CERS2: variants seen among roughly 807,000 people sequenced by gnomAD.
CERS2 encodes ceramide synthase 2.
A neutral mutation model predicts 56.6 loss-of-function variants in CERS2; 20 were observed. That is an observed-to-expected ratio of 0.35 (90% CI 0.25 to 0.51). CERS2 has a LOEUF of 0.51. CERS2 is among the 20% of genes least tolerant of loss of function. CERS2 has a pLI of 0.96. For synonymous variants in CERS2, 187 were observed against 175.4 expected (o/e 1.07, Z -0.52); for missense variants, 361 against 488.6 (o/e 0.74, Z 2.46).
chr1:150,968,515 G>A lies in CERS2; in HGVS notation c.174-3C>T. On this transcript the variant is annotated splice_polypyrimidine_tract_variant and splice_region_variant and intron_variant, in intron 2 of 10. Coordinates refer to ENST00000368954, the MANE Select transcript of CERS2 (RefSeq NM_022075.5). ...CAGCCAGTGGTGTAGCCACGTACCT[G>A]GGGAAGGGATATGAGTAAGGTATCT... is the stretch of plus-strand genomic sequence containing the variant. 2 of 1,607,692 alleles carry A rather than the reference G, an allele frequency of 1.2e-6. No individual in the cohort carries two copies. The highest frequency in any genetic ancestry group is 1.7e-6 in the Non-Finnish European group (2 of 1,174,116).
rs755382987 is a variant in CERS2 at position 150,966,601 on chromosome 1, G to A, written c.877C>T (p.Leu293=). 2.5e-6 allele frequency: 4 copies of A among 1,613,998 alleles called. No individual in the cohort carries two copies. The highest frequency in any genetic ancestry group is 3.4e-6 in the Non-Finnish European group (4 of 1,180,020). ...WILHCTLVYP[L]ELYPAFFGYY... ...CCAAAGAAGGCAGGATAGAGCTCCA[G>A]TGGGTACACCAGGGTGCAATGCAGG... Residue 293 remains leucine, a synonymous_variant, in exon 10 of 11, where the codon CTG becomes TTG. Coordinates refer to ENST00000368954, the MANE Select transcript of CERS2 (RefSeq NM_022075.5).
intron 1 of CERS2, among the ~76,000 whole-genome samples, chr1:150,969,891 A>G (rs1232634643): frequency 6.6e-6 from 1 of 152,086 alleles, no homozygotes; most frequent in African/African-American, 2.4e-5. Context: ...CCCCTTCCCT[A>G]CAACCTACAA....
At position 150,965,726 on chromosome 1, in the gene CERS2, C is replaced by CA. The variant is rs1670990158; in HGVS notation, c.*421dup. 1 of 158,610 alleles carries CA rather than the reference C, an allele frequency of 6.3e-6. No homozygotes were observed. The highest frequency in any genetic ancestry group is 2.4e-5 in the African/African-American group (1 of 41,544). 9.8% of individuals were successfully genotyped at this position (158,610 alleles called of 1,614,324 possible). Reference sequence around the variant, plus strand: ...GAGCTTAGAAAGGTTAGCCTTGGTCCAGCTTTGGCAGAATGAGGCCCACAG... The same window carrying CA: ...GAGCTTAGAAAGGTTAGCCTTGGTCCAAGCTTTGGCAGAATGAGGCCCACAG... On this transcript the variant is annotated 3_prime_UTR_variant, in exon 11 of 11. Transcript: ENST00000368954.
chr1:150,968,184 CA>C lies in CERS2; in HGVS notation c.308del (p.Leu103CysfsTer12). On this transcript the variant is annotated frameshift_variant, in exon 4 of 11. Coordinates refer to ENST00000368954, the MANE Select transcript of CERS2 (RefSeq NM_022075.5). LOFTEE classifies it high-confidence loss of function. ...GGCCAGAGAGCCCGCTCTGCCGGGA[CA>C]AAAGCTCTACTTCCACCTGGGCACA... ...KQPKQVEVEL[L>X]SRQSGLSGRQ... 6.2e-7 allele frequency: 1 copy of C among 1,609,380 alleles called. No homozygotes were observed.
chr1:150,971,681 A>C (rs976686772), intron 1 of CERS2, among the ~76,000 whole-genome samples: 6 of 152,128 alleles, frequency 3.9e-5, no homozygotes, highest in Non-Finnish European at 8.8e-5. Context: ...ACAAACACAC[A>C]CTTTTTTCCT....
chr1:150,968,025 C>A, intron 4 of CERS2, 58 bp downstream of exon 4: 1 of 1,525,796 alleles, frequency 6.6e-7, no homozygotes, highest in Non-Finnish European at 9.1e-7. Context: ...CCTATCCCTC[C>A]CAGCAAGACA....
chr1:150,967,524 G>A (rs1235074131), intron 6 of CERS2, 40 bp from the exon 7 acceptor site: 2 of 1,412,938 alleles, frequency 1.4e-6, no homozygotes, highest in Non-Finnish European at 2.0e-6. Flanking sequence ...CAGCCGCAAG[G>A]GTGTCCCCAC....
chr1:150,972,917 G>A (rs1671220019), intron 1 of CERS2, among the ~76,000 whole-genome samples: 1 of 152,182 alleles, frequency 6.6e-6, no homozygotes, highest in African/African-American at 2.4e-5. Flanking sequence ...CGGCTGAGAA[G>A]GCAGAAGTTT....
Position 150,966,527 on chromosome 1 carries a change from G to A in CERS2, c.951C>T (p.Ile317=). 1.2e-6 allele frequency: 2 copies of A among 1,614,134 alleles called. No homozygotes were observed. The highest frequency in any genetic ancestry group is 1.7e-6 in the Non-Finnish European group (2 of 1,180,030). The change falls in exon 10 of 11, where the codon ATC becomes ATT. Residue 317 remains isoleucine, a synonymous_variant. Coordinates refer to ENST00000368954, the MANE Select transcript of CERS2 (RefSeq NM_022075.5). ...SMMGVLQLLH[I]FWAYLILRMA... is the part of the protein sequence containing the mutation. ...TGCGCAAAATGAGGTAGGCCCAGAA[G>A]ATATGCAGCAGCTGTAGAACTCCCA...
At chr1:150,970,961 T>G (rs1287239435) in intron 1 of CERS2, among the ~76,000 whole-genome samples, 1 of 152,106 alleles carries the variant, frequency 6.6e-6, no homozygotes, top group African/African-American at 2.4e-5. Flanking sequence ...GAGTGACCAC[T>G]TGGATACCCA....
In CERS2 at chr1:150,967,220, GC is replaced by G. The variant is rs758875088; in HGVS notation, c.613-19del. ...TTGAAATCCTGCAGAGATGATGCAG[GC>G]CCCAGGGCCTTTTTTTATTCCCCAG... On this transcript the variant is annotated intron_variant, in intron 7 of 10. Transcript: ENST00000368954. The G allele has an allele frequency of 1.2e-6, 2 of 1,613,020 alleles. No homozygotes were observed. The highest frequency in any genetic ancestry group is 2.7e-5 in the African/African-American group (2 of 74,828).
intron 1 of CERS2, among the ~76,000 whole-genome samples, chr1:150,971,202 G>A (rs917241061): frequency 2.0e-5 from 3 of 152,204 alleles, no homozygotes; most frequent in African/African-American, 4.8e-5. Context: ...ATTTAGGCTG[G>A]CCCAGAAAGT....
chr1:150,966,408 C>G, intron 10 of CERS2, 68 bp downstream of exon 10: 2 of 1,601,632 alleles, frequency 1.2e-6, no homozygotes, highest in Non-Finnish European at 1.7e-6. Context: ...TAGAGAGTTA[C>G]TGGCAAGATG....
rs757719800 is a variant in CERS2, at chr1:150,967,854, A to G, written c.434T>C (p.Ile145Thr). 15 of 1,613,920 alleles carry G rather than the reference A, an allele frequency of 9.3e-6. No individual in the cohort carries two copies. The highest frequency in any genetic ancestry group is 1.2e-5 in the Non-Finnish European group (14 of 1,179,798). ...EASWRFTFYL[I>T]AFIAGMAVIV... ...GACGGCCATGCCGGCAATGAAGGCA[A>G]TCAGGTAAAATGTGAATCTCCAGCT... is the stretch of plus-strand genomic sequence containing the variant. The change falls in exon 5 of 11, where the codon ATT (isoleucine) becomes ACT (threonine). Residue 145 changes from isoleucine to threonine, a missense_variant. Ile to Thr is a moderately conservative substitution (Grantham distance 89, BLOSUM62 -1). This residue lies in a region of CERS2 where 236 missense variants were observed against 309.2 expected (regional missense o/e 0.76). Coordinates refer to ENST00000368954, the MANE Select transcript of CERS2 (RefSeq NM_022075.5).
chr1:150,967,051 C>T (rs1408782940), intron 8 of CERS2, 23 bp downstream of exon 8: 2 of 1,613,754 alleles, frequency 1.2e-6, no homozygotes, highest in Admixed American at 1.7e-5. Flanking sequence ...GCACCAGGGT[C>T]TCTAGATTTG....
intron 1 of CERS2, chr1:150,972,048 T>G: frequency 2.5e-6 from 1 of 395,896 alleles, no homozygotes. Flanking sequence ...GGCCCAGGAA[T>G]GTCTCATGCC....
chr1:150,967,913 T>C lies in CERS2; in HGVS notation c.411-36A>G, dbSNP rs12097548. 0.014 allele frequency: 22,064 copies of C among 1,557,784 alleles called. 2,510 individuals carry two copies. The African/African-American group carries it at 0.26, about 18-fold the overall frequency. On this transcript the variant is annotated intron_variant, in intron 4 of 10. Transcript: ENST00000368954. ...AAGCAGAAATGGCTAGGTCAGAGGA[T>C]AGCACAGTCCCCCAGCAGCCCCCAA...
At chr1:150,968,022 C>T in intron 4 of CERS2, 61 bp downstream of exon 4, 1 of 1,517,174 alleles carries the variant, frequency 6.6e-7, no homozygotes, top group Non-Finnish European at 9.1e-7. Flanking sequence ...CCGCCTATCC[C>T]TCCCAGCAAG....
chr1:150,971,747 A>G (rs1203802164), intron 1 of CERS2: 1 of 398,126 alleles, frequency 2.5e-6, no homozygotes, highest in Non-Finnish European at 5.2e-6. Context: ...AAATGCACAG[A>G]GAAGGGACAA....
Sources: allele counts gnomAD v4.1 joint callset (sites outside exome capture counted in the v4.1 genomes callset), GRCh38; gene constraint gnomAD v4.1.1; regional missense constraint gnomAD v4.1.1; transcripts MANE v1.5; gene names NCBI Gene and HGNC (gene_info 2026-07-23, HGNC 2026-07-21).